The following RASGRP2 variants were observed in gnomAD, a reference collection of about 807,000 sequenced individuals.
The protein encoded by RASGRP2 is RAS guanyl-releasing protein 2.
In RASGRP2, 44 loss-of-function variants were observed where a neutral mutation model predicts 71.0. The observed-to-expected ratio is 0.62, with a 90% CI of 0.49 to 0.80. The LOEUF (loss-of-function observed/expected upper bound fraction) is 0.80, where lower values mean the gene tolerates loss of function less well. Ranked by LOEUF, RASGRP2 falls within the 30% of genes least tolerant of loss-of-function variation. The pLI, the probability that RASGRP2 is intolerant of heterozygous loss-of-function variation, is 0.00. For missense variants in RASGRP2, 663 were observed against 813.4 expected (o/e 0.82, Z 2.25); for synonymous variants, 350 against 330.7 (o/e 1.06, Z -0.63).
intron 14 of RASGRP2, among the ~76,000 whole-genome samples, chr11:64,729,293 C>T (rs1405736253): frequency 1.3e-5 from 2 of 151,930 alleles, no homozygotes; most frequent in Non-Finnish European, 2.9e-5. Context: ...TCACATCAGT[C>T]ATCTTGAGCC....
chr11:64,727,396 A>G (rs1285344648), intron 15 of RASGRP2, 36 bp from the exon 16 acceptor site: 2 of 1,607,768 alleles, frequency 1.2e-6, no homozygotes, highest in African/African-American at 1.3e-5. Flanking sequence ...ACACACTTCC[A>G]GGTCCCTGGG....
Position 64,740,930 on chromosome 11 carries a change from T to C in RASGRP2, c.371+18A>G, listed in dbSNP as rs778307810. On this transcript the variant is annotated intron_variant, in intron 5 of 16. Transcript: ENST00000394432. ...GATACTGAGTGCCCCCCCAGCCCTC[T>C]GTGCTCCCCCCACGCACACGCTGTC... 2 of 1,613,476 alleles carry C rather than the reference T, an allele frequency of 1.2e-6. No homozygotes were observed. Among genetic ancestry groups the C allele is most frequent in the Non-Finnish European group, 1.7e-6 (2 of 1,179,604 alleles).
chr11:64,744,487 C>A, upstream of RASGRP2: 1 of 193,588 alleles, frequency 5.2e-6, no homozygotes, highest in Non-Finnish European at 9.4e-6. Context: ...TCTCATCTGC[C>A]AAATGGGGGT....
rs1421485572 is a variant in RASGRP2, at chr11:64,735,491, C to T, written c.1296+51G>A. On this transcript the variant is annotated intron_variant, in intron 11 of 16. Coordinates refer to ENST00000394432, the MANE Select transcript of RASGRP2 (RefSeq NM_001098671.2). This position sits in a 1 kb window ranked among gnomAD's most constrained non-coding sequence, Gnocchi z 4.2. ...TCGTGCTGGCTTCCAGGGCAGTGCTCCGGCAAACTGGCCTCTCCCCACACA... is the reference window on the plus strand; with the variant it reads ...TCGTGCTGGCTTCCAGGGCAGTGCTTCGGCAAACTGGCCTCTCCCCACACA... 5.6e-6 allele frequency: 9 copies of T among 1,612,016 alleles called. No homozygotes were observed.
In RASGRP2 at chr11:64,736,850, T is replaced by G; in HGVS notation, c.998A>C (p.Lys333Thr). The change falls in exon 9 of 17, where the codon AAG becomes ACG. Residue 333 changes from lysine to threonine, a missense_variant. By Grantham distance (78) the Lys-to-Thr change is moderately conservative. Transcript: ENST00000394432. The part of the protein sequence containing the change: ...DPARTRLNGA[K>T]MKQLFSILEE... ...CAGGATGCTAAAGAGCTGCTTCATC[T>G]TGGCCCCGTTGAGCCGGGTCCGGGC... The G allele has an allele frequency of 6.2e-7, 1 of 1,613,578 alleles. No individual in the cohort carries two copies. Among genetic ancestry groups the G allele is most frequent in the South Asian group, 1.1e-5 (1 of 91,066 alleles).
At chr11:64,737,580 G>A (rs545925574) in intron 8 of RASGRP2, among the ~76,000 whole-genome samples, 3 of 151,388 alleles carry the variant, frequency 2.0e-5, no homozygotes, top group East Asian at 3.9e-4. Context: ...GCTGAGGCAG[G>A]AGAATCGCTT....
At chr11:64,744,771 C>A (rs1244458105), upstream of RASGRP2, 2 of 150,458 alleles carry the variant, frequency 1.3e-5, no homozygotes, top group South Asian at 1.8e-4. Context: ...GAGCCCGCAC[C>A]GGCCTGGCCG....
rs932893684 is a variant in RASGRP2 at position 64,735,357 on chromosome 11, G to A, written c.1297-130C>T. On this transcript the variant is annotated intron_variant, in intron 11 of 16. Coordinates refer to ENST00000394432, the MANE Select transcript of RASGRP2 (RefSeq NM_001098671.2). This position sits in a 1 kb window ranked among gnomAD's most constrained non-coding sequence, Gnocchi z 4.2. ...CAGAGAGGTCTCTGACACCACCCCC[G>A]TTCCATACCTCCACCCCCACCCTAC... is the stretch of plus-strand genomic sequence containing the variant. 1.2e-5 allele frequency: 16 copies of A among 1,285,726 alleles called. No individual in the cohort carries two copies. The highest frequency in any genetic ancestry group is 3.6e-5 in the South Asian group (3 of 82,824). 79.6% of individuals were successfully genotyped at this position (1,285,726 alleles called of 1,614,324 possible).
intron 5 of RASGRP2, chr11:64,740,593 A>C: frequency 4.5e-6 from 3 of 663,134 alleles, no homozygotes; most frequent in Non-Finnish European, 5.6e-6. Flanking sequence ...CCGAACCCTC[A>C]GAGCCCACGG....
chr11:64,728,599 T>C (rs918743278), intron 15 of RASGRP2, among the ~76,000 whole-genome samples: 1 of 151,992 alleles, frequency 6.6e-6, no homozygotes, highest in Non-Finnish European at 1.5e-5. Context: ...GGCTAATTTT[T>C]TTTTTTTGTA....
At chr11:64,729,176 C>T in intron 14 of RASGRP2, 134 bp from the exon 15 acceptor site, 1 of 874,514 alleles carries the variant, frequency 1.1e-6, no homozygotes, top group Non-Finnish European at 1.8e-6. Flanking sequence ...GAGTCTCCTT[C>T]CAAAGTGTTC....
Position 64,735,243 on chromosome 11 carries a change from G to A in RASGRP2, c.1297-16C>T, listed in dbSNP as rs374775399. On this transcript the variant is annotated splice_polypyrimidine_tract_variant and intron_variant, in intron 11 of 16. Transcript: ENST00000394432. The surrounding 1 kb of genome is among the most constrained non-coding windows in gnomAD (Gnocchi z 4.2). ...GGAACACAGACTGGGGCACGCAGAG[G>A]GACACGCAGAGCCAGAAGAGGGGAG... The A allele has an allele frequency of 6.8e-5, 109 of 1,596,168 alleles. No homozygotes were observed. Among genetic ancestry groups the A allele is most frequent in the Non-Finnish European group, 9.1e-5 (106 of 1,163,856 alleles).
Position 64,739,593 on chromosome 11 carries a change from C to T in RASGRP2, c.696+43G>A. ...GGAAGGGAAGGGTTGGCCTGACTGGCATGTGGGGTGGTTGGGAGACACCGG... is the reference window on the plus strand; with the variant it reads ...GGAAGGGAAGGGTTGGCCTGACTGGTATGTGGGGTGGTTGGGAGACACCGG... On this transcript the variant is annotated intron_variant, in intron 7 of 16. Transcript: ENST00000394432. The surrounding 1 kb of genome is among the most constrained non-coding windows in gnomAD (Gnocchi z 4.2). The T allele has an allele frequency of 1.2e-6, 2 of 1,612,838 alleles. No homozygotes were observed. The highest frequency in any genetic ancestry group is 1.7e-6 in the Non-Finnish European group (2 of 1,179,056).
intron 4 of RASGRP2, 130 bp downstream of exon 4, chr11:64,741,309 C>A (rs2058113634): frequency 2.6e-6 from 3 of 1,162,466 alleles, no homozygotes; most frequent in Non-Finnish European, 3.8e-6. Context: ...TGTGGCAGCA[C>A]TGCCCACCCG....
rs1377258097 is a variant in RASGRP2, at chr11:64,735,264, G to A, written c.1297-37C>T. The stretch of plus-strand genomic sequence containing the variant: ...AGAGGGACACGCAGAGCCAGAAGAG[G>A]GGAGAGTAAAGGGGACATCAGGTCC... On this transcript the variant is annotated intron_variant, in intron 11 of 16. Coordinates refer to ENST00000394432, the MANE Select transcript of RASGRP2 (RefSeq NM_001098671.2). The surrounding 1 kb of genome is among the most constrained non-coding windows in gnomAD (Gnocchi z 4.2). The A allele has an allele frequency of 6.5e-7, 1 of 1,543,768 alleles. No homozygotes were observed. The highest frequency in any genetic ancestry group is 9.0e-7 in the Non-Finnish European group (1 of 1,116,404).
chr11:64,743,008 G>C lies in RASGRP2; in HGVS notation c.-71-71C>G, dbSNP rs1336988673. On this transcript the variant is annotated intron_variant, in intron 1 of 16. Transcript: ENST00000394432. The surrounding 1 kb of genome is among the most constrained non-coding windows in gnomAD (Gnocchi z 4.9). Reference sequence around the variant, plus strand: ...GGGAGCGGCCCCGCGGGCAGAAACGGGGCGGGGCGGGCACGCCCCCTGCTG... The same window carrying C: ...GGGAGCGGCCCCGCGGGCAGAAACGCGGCGGGGCGGGCACGCCCCCTGCTG... The C allele has an allele frequency of 6.8e-7, 1 of 1,460,984 alleles. No homozygotes were observed. 90.5% of individuals were successfully genotyped at this position (1,460,984 alleles called of 1,614,324 possible).
chr11:64,732,594 C>T (rs777382971), intron 12 of RASGRP2, among the ~76,000 whole-genome samples: 15 of 151,802 alleles, frequency 9.9e-5, no homozygotes, highest in Admixed American at 3.9e-4. Flanking sequence ...GAGGTCGAGA[C>T]CACGGTGAAA....
chr11:64,735,362 A>T lies in RASGRP2; in HGVS notation c.1297-135T>A. 3 of 1,296,296 alleles carry T rather than the reference A, an allele frequency of 2.3e-6. No individual in the cohort carries two copies. Among genetic ancestry groups the T allele is most frequent in the South Asian group, 2.4e-5 (2 of 83,228 alleles). The allele number at this position is 1,296,296 out of a possible 1,614,324, so 80.3% of individuals were successfully genotyped here. ...AGGTCTCTGACACCACCCCCGTTCC[A>T]TACCTCCACCCCCACCCTACCCAGG... On this transcript the variant is annotated intron_variant, in intron 11 of 16. Transcript: ENST00000394432. This position sits in a 1 kb window ranked among gnomAD's most constrained non-coding sequence, Gnocchi z 4.2.
intron 9 of RASGRP2, 70 bp from the exon 10 acceptor site, chr11:64,736,050 G>C: frequency 1.5e-6 from 2 of 1,304,822 alleles, no homozygotes; most frequent in Non-Finnish European, 2.2e-6. Flanking sequence ...GCCAAAGGTC[G>C]ACCTAGAGGC....
Sources: allele counts gnomAD v4.1 joint callset (sites outside exome capture counted in the v4.1 genomes callset), GRCh38; gene constraint gnomAD v4.1.1; non-coding constraint Gnocchi (gnomAD v3.1); transcripts MANE v1.5; gene names NCBI Gene and HGNC (gene_info 2026-07-23, HGNC 2026-07-21).